SYNDIG1: variants seen among roughly 807,000 people sequenced by gnomAD.
The protein encoded by SYNDIG1 is synapse differentiation inducing 1, also known as synapse differentiation-inducing gene protein 1.
A neutral mutation model predicts 19.4 loss-of-function variants in SYNDIG1; 9 were observed. The observed-to-expected ratio is 0.46, with a 90% CI of 0.28 to 0.81. The LOEUF (loss-of-function observed/expected upper bound fraction) is 0.81, where lower values mean the gene tolerates loss of function less well. SYNDIG1 is among the 30% of genes least tolerant of loss of function. The pLI, the probability that SYNDIG1 is intolerant of heterozygous loss-of-function variation, is 0.12. For synonymous variants in SYNDIG1, 141 were observed against 145.9 expected (o/e 0.97, Z 0.24); for missense variants, 311 against 343.3 (o/e 0.91, Z 0.74).
At chr20:24,647,354 G>A (rs1197211430) in intron 3 of SYNDIG1, among the ~76,000 whole-genome samples, 2 of 152,154 alleles carry the variant, frequency 1.3e-5, no homozygotes, top group African/African-American at 4.8e-5. Context: ...CAGTGCATGC[G>A]GCAGAATCGG....
At chr20:24,484,093 G>A (rs889607101) in intron 1 of SYNDIG1, among the ~76,000 whole-genome samples, 7 of 152,106 alleles carry the variant, frequency 4.6e-5, no homozygotes, top group African/African-American at 1.4e-4. Context: ...GTGCCCACAC[G>A]AGAAACAACA....
intron 1 of SYNDIG1, among the ~76,000 whole-genome samples, chr20:24,490,484 A>G (rs1384870191): frequency 1.3e-5 from 2 of 152,124 alleles, no homozygotes; most frequent in Non-Finnish European, 2.9e-5. Flanking sequence ...AGAAGGTTGT[A>G]TCTGGGGCTC....
chr20:24,527,971 C>T (rs1443219094), intron 1 of SYNDIG1, among the ~76,000 whole-genome samples: 2 of 152,194 alleles, frequency 1.3e-5, no homozygotes, highest in African/African-American at 2.4e-5. Context: ...TCTTGTCTTT[C>T]TACAAGGCTA....
chr20:24,600,301 G>A (rs959796538), intron 3 of SYNDIG1, among the ~76,000 whole-genome samples: 6 of 152,178 alleles, frequency 3.9e-5, no homozygotes, highest in Admixed American at 2.0e-4. Context: ...CCGTTAATGT[G>A]AAGGGGATTG....
intron 1 of SYNDIG1, among the ~76,000 whole-genome samples, chr20:24,499,300 C>A (rs900713932): frequency 1.3e-5 from 2 of 152,230 alleles, no homozygotes. Context: ...GGTGGGGTTA[C>A]AGGCGTGAGC....
intron 3 of SYNDIG1, among the ~76,000 whole-genome samples, chr20:24,609,972 T>TCAC (rs1230780856): frequency 1.3e-5 from 2 of 152,026 alleles, no homozygotes; most frequent in Non-Finnish European, 2.9e-5. Context: ...GCAACACTGC[T>TCAC]CACCACCACC....
intron 2 of SYNDIG1, among the ~76,000 whole-genome samples, chr20:24,583,253 G>A (rs146653161): frequency 6.6e-5 from 10 of 152,340 alleles, no homozygotes; most frequent in East Asian, 1.9e-4. Flanking sequence ...CAGCGGGCTC[G>A]CAGCCACGCA....
chr20:24,622,324 G>GA (rs2059052027), intron 3 of SYNDIG1, among the ~76,000 whole-genome samples: 1 of 152,072 alleles, frequency 6.6e-6, no homozygotes, highest in South Asian at 2.1e-4. Context: ...GAAACACAAA[G>GA]AAAAAAAGGA....
chr20:24,508,802 C>T (rs1478308464), intron 1 of SYNDIG1, among the ~76,000 whole-genome samples: 1 of 152,114 alleles, frequency 6.6e-6, no homozygotes, highest in Non-Finnish European at 1.5e-5. Context: ...ACTCCACTAC[C>T]CTGCAGGCGC....
chr20:24,596,736 T>A (rs1237174201), intron 3 of SYNDIG1: 1 of 152,364 alleles, frequency 6.6e-6, no homozygotes, highest in African/African-American at 2.4e-5. Flanking sequence ...TTGTTTCTCA[T>A]CCTCACCCCA....
intron 1 of SYNDIG1, among the ~76,000 whole-genome samples, chr20:24,506,069 C>A (rs1253017836): frequency 6.6e-6 from 1 of 152,188 alleles, no homozygotes; most frequent in East Asian, 1.9e-4. Flanking sequence ...TGACTTAGCT[C>A]CCACCAACTC....
intron 2 of SYNDIG1, among the ~76,000 whole-genome samples, chr20:24,546,506 G>A (rs961578029): frequency 2.0e-5 from 3 of 152,220 alleles, no homozygotes; most frequent in African/African-American, 7.2e-5. Context: ...CTGGTGGGCT[G>A]TTGGCTGCAG....
chr20:24,664,990 C>T (rs1450829223), intron 3 of SYNDIG1, among the ~76,000 whole-genome samples: 1 of 152,150 alleles, frequency 6.6e-6, no homozygotes, highest in African/African-American at 2.4e-5. Flanking sequence ...GAAAGAGCAG[C>T]ACTAGAGGAG....
At chr20:24,593,605 A>C (rs1427882252) in intron 3 of SYNDIG1, among the ~76,000 whole-genome samples, 2 of 152,324 alleles carry the variant, frequency 1.3e-5, no homozygotes, top group Middle Eastern at 3.4e-3. Context: ...TTAGTTGAGA[A>C]ATTGCCACAC....
chr20:24,548,146 G>T (rs2057624308), intron 2 of SYNDIG1, among the ~76,000 whole-genome samples: 1 of 152,188 alleles, frequency 6.6e-6, no homozygotes, highest in South Asian at 2.1e-4. Context: ...TACACGTGGA[G>T]AGACAGAAAC....
intron 1 of SYNDIG1, among the ~76,000 whole-genome samples, chr20:24,517,258 A>G (rs1337070474): frequency 6.6e-6 from 1 of 151,852 alleles, no homozygotes; most frequent in African/African-American, 2.4e-5. Context: ...TATGTAACAA[A>G]CCTGCACATT....
At chr20:24,494,058 G>A (rs1218612285) in intron 1 of SYNDIG1, among the ~76,000 whole-genome samples, 3 of 152,290 alleles carry the variant, frequency 2.0e-5, no homozygotes, top group Non-Finnish European at 2.9e-5. Context: ...ACCCCTGCTC[G>A]CTGGGTATGG....
intron 2 of SYNDIG1, among the ~76,000 whole-genome samples, chr20:24,568,517 C>G (rs779272642): frequency 4.6e-5 from 7 of 152,146 alleles, no homozygotes; most frequent in Non-Finnish European, 1.0e-4. Context: ...AGTCTGAACA[C>G]ACAGGACTTC....
intron 1 of SYNDIG1, among the ~76,000 whole-genome samples, chr20:24,517,349 C>T (rs1687760687): frequency 6.6e-6 from 1 of 150,392 alleles, no homozygotes. Flanking sequence ...GGTGTGGTGG[C>T]TCACGCCTGT....
Sources: gnomAD v4.1 joint callset for allele counts (sites outside exome capture counted in the v4.1 genomes callset) on GRCh38, gnomAD v4.1.1 for gene constraint, MANE v1.5 for transcripts, NCBI Gene and HGNC (gene_info 2026-07-23, HGNC 2026-07-21) for gene names.